Variants in ADGRL4 observed in about 807,000 individuals in gnomAD.
The protein encoded by ADGRL4 is adhesion G protein-coupled receptor L4, also known as EGF, latrophilin and seven transmembrane domain containing 1.
Under a neutral mutation model 74.8 loss-of-function variants are expected in ADGRL4, and 90 were observed. The ratio of observed to expected loss-of-function variants is 1.20; its 90% CI spans 1.02 to 1.43. The LOEUF (loss-of-function observed/expected upper bound fraction) is 1.43, where lower values mean the gene tolerates loss of function less well. ADGRL4 is among the 40% of genes most tolerant of loss of function. The probability of loss-of-function intolerance (pLI) is 0.00; values close to 1 mark genes in which losing one functional copy is unlikely to be tolerated. For synonymous variants in ADGRL4, 311 were observed against 279.2 expected (o/e 1.11, Z -1.14); for missense variants, 881 against 814.3 (o/e 1.08, Z -1.00).
chr1:78,907,786 A>C (rs1344281475), intron 12 of ADGRL4, among the ~76,000 whole-genome samples: 1 of 151,942 alleles, frequency 6.6e-6, no homozygotes, highest in East Asian at 1.9e-4. Context: ...TCAAGCAGCC[A>C]GTGTGACTGA....
intron 2 of ADGRL4, among the ~76,000 whole-genome samples, chr1:78,956,650 T>A (rs896015028): frequency 2.6e-5 from 4 of 152,150 alleles, no homozygotes; most frequent in African/African-American, 9.6e-5. Context: ...TCACAATGAA[T>A]AATAAAATGT....
At chr1:78,941,282 G>T (rs1649474306) in intron 3 of ADGRL4, among the ~76,000 whole-genome samples, 1 of 152,192 alleles carries the variant, frequency 6.6e-6, no homozygotes, top group Non-Finnish European at 1.5e-5. Flanking sequence ...GTTATCACTT[G>T]TCATGAAATC....
intron 2 of ADGRL4, among the ~76,000 whole-genome samples, chr1:78,992,770 A>G (rs1650634045): frequency 6.6e-6 from 1 of 152,144 alleles, no homozygotes; most frequent in Non-Finnish European, 1.5e-5. Flanking sequence ...TCCATTTTTT[A>G]TCAATCCAAA....
intron 12 of ADGRL4, among the ~76,000 whole-genome samples, chr1:78,903,950 TAAATAAATAAATAAATAAATAAATA>T (rs1322390371): frequency 3.5e-5 from 2 of 56,904 alleles, no homozygotes; most frequent in African/African-American, 1.2e-4. Flanking sequence ...AATAAATAAA[TAAATAAATAAATAAATAAATAAATA>T]AATAATAATA....
chr1:78,943,042 T>C (rs371667793), intron 3 of ADGRL4, among the ~76,000 whole-genome samples: 9 of 152,272 alleles, frequency 5.9e-5, no homozygotes, highest in African/African-American at 2.2e-4. Flanking sequence ...GATCATATGA[T>C]GGTTATGATT....
At chr1:78,983,886 A>G (rs1480736756) in intron 2 of ADGRL4, among the ~76,000 whole-genome samples, 1 of 151,862 alleles carries the variant, frequency 6.6e-6, no homozygotes, top group Non-Finnish European at 1.5e-5. Flanking sequence ...ATAATGTACC[A>G]TATACCTTCA....
chr1:78,944,864 A>G, intron 3 of ADGRL4, among the ~76,000 whole-genome samples: 1 of 152,102 alleles, frequency 6.6e-6, no homozygotes, highest in Non-Finnish European at 1.5e-5. Flanking sequence ...TCTTTAACAC[A>G]GACATTTCAC....
intron 2 of ADGRL4, among the ~76,000 whole-genome samples, chr1:78,972,916 T>C (rs1650199657): frequency 6.6e-6 from 1 of 152,176 alleles, no homozygotes. Flanking sequence ...AGGCTGCCAA[T>C]GGACCCTGCT....
At chr1:78,978,496 T>C (rs1035383130) in intron 2 of ADGRL4, among the ~76,000 whole-genome samples, 1 of 151,988 alleles carries the variant, frequency 6.6e-6, no homozygotes, top group Non-Finnish European at 1.5e-5. Context: ...GTTCTTCTCG[T>C]CCAATTCCTC....
chr1:78,932,613 C>CAAAAAAAA (rs557004722), intron 7 of ADGRL4, among the ~76,000 whole-genome samples: 16 of 57,308 alleles, frequency 2.8e-4, no homozygotes, highest in African/African-American at 8.6e-4. Context: ...AAAACCCCTC[C>CAAAAAAAA]AAAAAAAAAA....
At chr1:78,983,150 T>C (rs562393058) in intron 2 of ADGRL4, among the ~76,000 whole-genome samples, 1 of 151,766 alleles carries the variant, frequency 6.6e-6, no homozygotes, top group African/African-American at 2.4e-5. Context: ...TCTTCCTGTA[T>C]AGAAAGGTCC....
rs1648909849 is a variant in ADGRL4 at position 78,917,819 on chromosome 1, T to C, written c.1682+11A>G. On this transcript the variant is annotated intron_variant, in intron 11 of 14. Coordinates refer to ENST00000370742, the MANE Select transcript of ADGRL4 (RefSeq NM_022159.4). Reference sequence around the variant, plus strand: ...CGTATTTCAAATGCTCATGAAATCATTTTAACTTACACTTTGGTTGTGCCA... The same window carrying C: ...CGTATTTCAAATGCTCATGAAATCACTTTAACTTACACTTTGGTTGTGCCA... The C allele has an allele frequency of 6.8e-6, 11 of 1,610,266 alleles. No homozygotes were observed. Among genetic ancestry groups the C allele is most frequent in the Non-Finnish European group, 7.6e-6 (9 of 1,177,282 alleles).
At chr1:78,955,854 T>G (rs1255741529) in intron 2 of ADGRL4, among the ~76,000 whole-genome samples, 2 of 152,096 alleles carry the variant, frequency 1.3e-5, no homozygotes, top group Non-Finnish European at 2.9e-5. Flanking sequence ...TGCCATAAAT[T>G]TTAAGACACA....
intron 7 of ADGRL4, among the ~76,000 whole-genome samples, chr1:78,932,678 C>G (rs1649268737): frequency 6.8e-6 from 1 of 146,526 alleles, no homozygotes; most frequent in Admixed American, 6.8e-5. Context: ...AGACCACAAG[C>G]TAGGCTAATA....
At chr1:78,962,823 A>C (rs1649982093) in intron 2 of ADGRL4, among the ~76,000 whole-genome samples, 2 of 152,194 alleles carry the variant, frequency 1.3e-5, no homozygotes, top group Admixed American at 1.3e-4. Flanking sequence ...CACTAATAGG[A>C]TATAGTTAAA....
intron 12 of ADGRL4, among the ~76,000 whole-genome samples, chr1:78,893,868 G>A (rs368079267): frequency 1.4e-4 from 22 of 151,792 alleles, no homozygotes; most frequent in African/African-American, 5.1e-4. Context: ...CCTTTTTATT[G>A]TGACTGCATT....
chr1:78,909,188 C>G (rs1648705699), intron 12 of ADGRL4, among the ~76,000 whole-genome samples: 1 of 151,796 alleles, frequency 6.6e-6, no homozygotes, highest in South Asian at 2.1e-4. Flanking sequence ...AATGTTGATG[C>G]CATTATCCAT....
chr1:78,901,356 T>C (rs368145941), intron 12 of ADGRL4, among the ~76,000 whole-genome samples: 3 of 152,106 alleles, frequency 2.0e-5, no homozygotes, highest in Non-Finnish European at 1.5e-5. Flanking sequence ...GAAAGAGACC[T>C]CAAAGGAAGG....
In ADGRL4 at chr1:78,929,901, AACTTCCAAACAGT is replaced by A. The variant is rs1649202986; in HGVS notation, c.878-2823_878-2811del. Among the ~76,000 whole-genome samples, 2 of 151,454 alleles carry A rather than the reference AACTTCCAAACAGT, an allele frequency of 1.3e-5. 1 individual carries two copies. Among genetic ancestry groups the A allele is most frequent in the African/African-American group, 4.9e-5 (2 of 40,768 alleles). On this transcript the variant is annotated intron_variant, in intron 7 of 14. Coordinates refer to ENST00000370742, the MANE Select transcript of ADGRL4 (RefSeq NM_022159.4). ...TCGGTATTTTCAATGTCTTTTTTCCAACTTCCAAACAGTACCCAAATTGTCTTTGAAATTTCAA... is the reference window on the plus strand; with the variant it reads ...TCGGTATTTTCAATGTCTTTTTTCCAACCCAAATTGTCTTTGAAATTTCAA...
Sources: allele counts gnomAD v4.1 joint callset (sites outside exome capture counted in the v4.1 genomes callset), GRCh38; gene constraint gnomAD v4.1.1; transcripts MANE v1.5; gene names NCBI Gene and HGNC (gene_info 2026-07-23, HGNC 2026-07-21).